APOL2: variants seen among roughly 807,000 people sequenced by gnomAD.
APOL2 encodes apolipoprotein L2, also known as apolipoprotein L, 2.
In APOL2, 8 loss-of-function variants were observed where a neutral mutation model predicts 7.1. That is an observed-to-expected ratio of 1.12 (90% CI 0.66 to 2.03). The LOEUF (loss-of-function observed/expected upper bound fraction) is 2.03, where lower values mean the gene tolerates loss of function less well. Ranked by LOEUF, APOL2 falls within the 30% of genes most tolerant of loss-of-function variation. APOL2 has a pLI of 0.00. For missense variants in APOL2, 471 were observed against 415.1 expected (o/e 1.13, Z -1.17); for synonymous variants, 177 against 159.9 (o/e 1.11, Z -0.81).
At chr22:36,232,380 G>A (rs372984773) in intron 3 of APOL2, among the ~76,000 whole-genome samples, 8 of 152,190 alleles carry the variant, frequency 5.3e-5, no homozygotes, top group Admixed American at 3.3e-4. Flanking sequence ...AGTGCAGGGC[G>A]GGTGCCCTAA....
Position 36,228,699 on chromosome 22 carries a change from C to T in APOL2, c.138-419G>A, listed in dbSNP as rs188866257. Reference sequence around the variant, plus strand: ...TGAACTTTACCCAAAGAGAGGCCTTCCCTTTGTCCTCAGCTCCTGGGAAGT... The same window carrying T: ...TGAACTTTACCCAAAGAGAGGCCTTTCCTTTGTCCTCAGCTCCTGGGAAGT... On this transcript the variant is annotated intron_variant, in intron 4 of 4. Transcript: ENST00000358502. 8.4e-3 allele frequency among the ~76,000 whole-genome samples: 1,286 copies of T among 152,306 alleles called. 12 individuals are homozygous for T. Among genetic ancestry groups the T allele is most frequent in the Non-Finnish European group, 0.011 (718 of 68,034 alleles).
intron 1 of APOL2, among the ~76,000 whole-genome samples, chr22:36,236,237 C>T (rs1430873784): frequency 6.6e-6 from 1 of 152,174 alleles, no homozygotes; most frequent in African/African-American, 2.4e-5. Context: ...ACTAAATATA[C>T]TTGTTACCGA....
chr22:36,233,373 C>T, intron 2 of APOL2, 29 bp downstream of exon 2: 1 of 1,557,556 alleles, frequency 6.4e-7, no homozygotes. Context: ...CTCCTGGGGC[C>T]CTGCCAGCTA....
At chr22:36,228,696 C>T (rs1380009170) in intron 4 of APOL2, among the ~76,000 whole-genome samples, 1 of 152,200 alleles carries the variant, frequency 6.6e-6, no homozygotes, top group Non-Finnish European at 1.5e-5. Context: ...AAAGAGAGGC[C>T]TTCCCTTTGT....
intron 1 of APOL2, chr22:36,239,054 C>T (rs1271230800): frequency 1.8e-5 from 18 of 1,024,946 alleles, no homozygotes; most frequent in African/African-American, 3.3e-5. Context: ...CAAGGACATG[C>T]CGGGCTCCAG....
In APOL2 at chr22:36,233,224, G is replaced by A; in HGVS notation, c.-62C>T. On this transcript the variant is annotated 5_prime_UTR_variant, in exon 3 of 5. Transcript: ENST00000358502. ...GAGCTCTCCAGTCACTGTCCAGACT[G>A]GAAGGTTTTCCTTAACCCTTGAGAA... 1 of 1,614,050 alleles carries A rather than the reference G, an allele frequency of 6.2e-7. No individual in the cohort carries two copies. The highest frequency in any genetic ancestry group is 8.5e-7 in the Non-Finnish European group (1 of 1,179,986).
chr22:36,232,549 G>A (rs2015258746), intron 3 of APOL2, among the ~76,000 whole-genome samples: 1 of 152,218 alleles, frequency 6.6e-6, no homozygotes, highest in South Asian at 2.1e-4. Flanking sequence ...GACAACATGG[G>A]GAAATATTAT....
At chr22:36,228,351 C>G in intron 4 of APOL2, 71 bp from the exon 5 acceptor site, 1 of 1,517,134 alleles carries the variant, frequency 6.6e-7, no homozygotes, top group Non-Finnish European at 8.8e-7. Context: ...CATGCGATCT[C>G]TATCCTGTGT....
rs191981367 is a variant in APOL2, at chr22:36,226,612, C to T, written c.*792G>A. ...GAGAGTGGATGCTGGAAAGACAGAG[C>T]GAGAGACCATCACCAGGGAAAGACT... On this transcript the variant is annotated 3_prime_UTR_variant, in exon 5 of 5. Transcript: ENST00000358502. 1.6e-4 allele frequency: 25 copies of T among 152,572 alleles called. No individual in the cohort carries two copies. The highest frequency in any genetic ancestry group is 3.9e-4 in the East Asian group (2 of 5,176). 9.5% of individuals were successfully genotyped at this position (152,572 alleles called of 1,614,324 possible).
intron 1 of APOL2, among the ~76,000 whole-genome samples, chr22:36,235,965 G>C (rs1382586546): frequency 6.6e-6 from 1 of 152,004 alleles, no homozygotes; most frequent in Non-Finnish European, 1.5e-5. Context: ...GGTTCTGTGG[G>C]AAAAAGGGAC....
rs112134150 is a variant in APOL2 at position 36,228,701 on chromosome 22, C to T, written c.138-421G>A. 2.2e-3 allele frequency among the ~76,000 whole-genome samples: 333 copies of T among 152,334 alleles called. 4 individuals are homozygous for T. Among genetic ancestry groups the T allele is most frequent in the African/African-American group, 7.2e-3 (300 of 41,568 alleles). ...AACTTTACCCAAAGAGAGGCCTTCCCTTTGTCCTCAGCTCCTGGGAAGTGA... is the reference window on the plus strand; with the variant it reads ...AACTTTACCCAAAGAGAGGCCTTCCTTTTGTCCTCAGCTCCTGGGAAGTGA... On this transcript the variant is annotated intron_variant, in intron 4 of 4. Transcript: ENST00000358502.
At position 36,227,694 on chromosome 22, in the gene APOL2, G is replaced by T. The variant is rs751141741; in HGVS notation, c.724C>A (p.Pro242Thr). ...ANPQLGAYAPPPHVIGRISAE... is the reference protein window; with the variant it reads ...ANPQLGAYAPTPHVIGRISAE... ...GAGATTCGCCCAATGACATGCGGGGGTGGGGCATACGCTCCTAACTGAGGG... is the reference window on the plus strand; with the variant it reads ...GAGATTCGCCCAATGACATGCGGGGTTGGGGCATACGCTCCTAACTGAGGG... Residue 242 changes from proline (P) to threonine (T), a missense_variant, in exon 5 of 5, where the codon CCC becomes ACC. Transcript: ENST00000358502. The T allele has an allele frequency of 1.9e-5, 31 of 1,614,210 alleles. No homozygotes were observed. The highest frequency in any genetic ancestry group is 2.5e-5 in the Non-Finnish European group (30 of 1,180,014).
At chr22:36,236,055 AAAAC>A (rs1435567291) in intron 1 of APOL2, among the ~76,000 whole-genome samples, 1 of 152,232 alleles carries the variant, frequency 6.6e-6, no homozygotes, top group Non-Finnish European at 1.5e-5. Flanking sequence ...GGGAGGAAAA[AAAAC>A]AAAGGCAATT....
At position 36,229,492 on chromosome 22, in the gene APOL2, C is replaced by T. The variant is rs1253467900; in HGVS notation, c.138-1212G>A. ...TTTGTCCCACATTCACACAGGAGAA[C>T]ACAGCCTCCTGAGGACAATGAAGAT... On this transcript the variant is annotated intron_variant, in intron 4 of 4. Coordinates refer to ENST00000358502, the MANE Select transcript of APOL2 (RefSeq NM_030882.4). 2.0e-5 allele frequency among the ~76,000 whole-genome samples: 3 copies of T among 152,236 alleles called. No individual in the cohort carries two copies. The East Asian group carries it at 5.8e-4, about 29-fold the overall frequency.
chr22:36,236,864 G>A (rs1392549125), intron 1 of APOL2: 2 of 1,245,744 alleles, frequency 1.6e-6, no homozygotes, highest in Non-Finnish European at 2.0e-6. Context: ...AGTATGCAGA[G>A]GGGCATCTGG....
At chr22:36,239,270 A>G (rs2015519734) in intron 1 of APOL2, 171 bp downstream of exon 1, 1 of 1,375,940 alleles carries the variant, frequency 7.3e-7, no homozygotes, top group Non-Finnish European at 9.4e-7. Flanking sequence ...GGGAGGGAGC[A>G]ATCAGACTCA....
chr22:36,237,678 C>G (rs2015456235), intron 1 of APOL2, among the ~76,000 whole-genome samples: 1 of 152,190 alleles, frequency 6.6e-6, no homozygotes, highest in African/African-American at 2.4e-5. Context: ...TCCCACAGCA[C>G]TGAATTACAG....
In APOL2 at chr22:36,227,671, G is replaced by C. The variant is rs2015056946; in HGVS notation, c.747C>G (p.Ile249Met). 1.9e-6 allele frequency: 3 copies of C among 1,614,120 alleles called. No individual in the cohort carries two copies. The highest frequency in any genetic ancestry group is 1.7e-6 in the Non-Finnish European group (2 of 1,180,048). Reference protein sequence around the residue: ...YAPPPHVIGRISAEGGEQVER... With the variant: ...YAPPPHVIGRMSAEGGEQVER... ...CAACCTGTTCACCGCCTTCAGCTGA[G>C]ATTCGCCCAATGACATGCGGGGGTG... The change falls in exon 5 of 5, where the codon ATC becomes ATG. Residue 249 changes from isoleucine (I) to methionine (M), a missense_variant. By Grantham distance (10) the Ile-to-Met change is conservative. Coordinates refer to ENST00000358502, the MANE Select transcript of APOL2 (RefSeq NM_030882.4).
intron 1 of APOL2, chr22:36,237,276 C>T (rs931329328): frequency 2.2e-6 from 3 of 1,358,174 alleles, no homozygotes; most frequent in Non-Finnish European, 1.9e-6. Flanking sequence ...CCCTCCCTCC[C>T]ACCTCAGCTC....
Sources: allele counts gnomAD v4.1 joint callset (sites outside exome capture counted in the v4.1 genomes callset), GRCh38; gene constraint gnomAD v4.1.1; transcripts MANE v1.5; gene names NCBI Gene and HGNC (gene_info 2026-07-23, HGNC 2026-07-21).